ZNF81: variants seen among roughly 807,000 people sequenced by gnomAD.
The protein encoded by ZNF81 is zinc finger protein 81, also known as zinc finger protein 81 (HFZ20).
ZNF81 carries 5 observed loss-of-function variants against 32.3 expected under a neutral mutation model. The ratio of observed to expected loss-of-function variants is 0.15; its 90% CI spans 0.08 to 0.33. The LOEUF (loss-of-function observed/expected upper bound fraction) is 0.33, where lower values mean the gene tolerates loss of function less well. Among genes scored for constraint, ZNF81 ranks in the 10% least tolerant of loss-of-function variants. The pLI is 1.00. For missense variants in ZNF81, 379 were observed against 479.8 expected, an observed-to-expected ratio of 0.79 and a Z score of 1.96; for synonymous variants, 163 against 166.8, an observed-to-expected ratio of 0.98 and a Z score of 0.17.
chrX:47,840,935 C>T (rs2058446716), intron 1 of ZNF81: 5 of 493,631 alleles, frequency 1.0e-5, no homozygotes, highest in Non-Finnish European at 1.8e-5. Context: ...TTCATTGATA[C>T]AAATTTACTG....
At chrX:47,860,382 C>T (rs1556882421) in intron 2 of ZNF81, among the ~76,000 whole-genome samples, 4 of 108,041 alleles carry the variant, frequency 3.7e-5, no homozygotes, top group East Asian at 2.9e-4. Flanking sequence ...GGGGTTTCAC[C>T]GTGTTAGTCA....
chrX:47,887,036 A>G (rs1248504671), intron 2 of ZNF81, among the ~76,000 whole-genome samples: 2 of 111,846 alleles, frequency 1.8e-5, no homozygotes, highest in Admixed American at 1.9e-4. Context: ...CTTTTTTCCT[A>G]ATACTGATAT....
chrX:47,916,220 CTT>C lies in ZNF81; in HGVS notation c.1575_1576del (p.Ile527MetfsTer3). On this transcript the variant is annotated frameshift_variant, in exon 5 of 5. Transcript: ENST00000338637. LOFTEE classifies it high-confidence loss of function. ...CAGAAGTCTCATACTGGAGAAAAGTCTTATATATGTGCTGAATGTGGGAAGGC... is the reference window on the plus strand; with the variant it reads ...CAGAAGTCTCATACTGGAGAAAAGTCATATATGTGCTGAATGTGGGAAGGC... 1 of 1,211,038 alleles carries C rather than the reference CTT, an allele frequency of 8.3e-7. No homozygotes were observed. The highest frequency in any genetic ancestry group is 1.1e-6 in the Non-Finnish European group (1 of 895,259).
At chrX:47,890,275 C>T (rs1345706036) in intron 3 of ZNF81, among the ~76,000 whole-genome samples, 1 of 110,607 alleles carries the variant, frequency 9.0e-6, no homozygotes, top group East Asian at 2.8e-4. Context: ...CTTCTCTATG[C>T]CACATTTCCA....
intron 4 of ZNF81, among the ~76,000 whole-genome samples, chrX:47,902,142 C>A (rs2058700760): frequency 9.0e-6 from 1 of 111,199 alleles, no homozygotes; most frequent in South Asian, 3.7e-4. Flanking sequence ...AATATTTCGA[C>A]ATAAGTTTTT....
intron 3 of ZNF81, 61 bp downstream of exon 3, chrX:47,888,186 A>G: frequency 8.5e-7 from 1 of 1,172,325 alleles, no homozygotes; most frequent in Non-Finnish European, 1.1e-6. Flanking sequence ...TGTGCCCCCA[A>G]ATAAAATATG....
At chrX:47,886,919 A>G (rs1295235188) in intron 2 of ZNF81, among the ~76,000 whole-genome samples, 1 of 111,651 alleles carries the variant, frequency 9.0e-6, no homozygotes, top group African/African-American at 3.3e-5. Flanking sequence ...CAGAGTTTAT[A>G]GTTGTTATGT....
At chrX:47,904,987 C>G (rs2058715256) in intron 4 of ZNF81, among the ~76,000 whole-genome samples, 1 of 109,512 alleles carries the variant, frequency 9.1e-6, no homozygotes, top group Non-Finnish European at 1.9e-5. Context: ...ACCACATGTT[C>G]TCACTCATAG....
At chrX:47,875,257 G>T (rs1356953241) in intron 2 of ZNF81, among the ~76,000 whole-genome samples, 4 of 112,149 alleles carry the variant, frequency 3.6e-5, no homozygotes, top group African/African-American at 1.3e-4. Context: ...TTTCTTCTTA[G>T]AATGACATTC....
At chrX:47,844,080 A>T (rs925182842) in intron 1 of ZNF81, among the ~76,000 whole-genome samples, 2 of 112,085 alleles carry the variant, frequency 1.8e-5, no homozygotes, top group African/African-American at 6.5e-5. Context: ...AAATTTGTAT[A>T]GCTTCTGTAT....
rs1429929265 is a variant in ZNF81, at chrX:47,918,062, A to T, written c.*1430A>T. ...GAGAATGGACCAAACGAACTGGTGG[A>T]TCTGGCTAAGGAGATTTGCAGCAGA... On this transcript the variant is annotated 3_prime_UTR_variant, in exon 5 of 5. Transcript: ENST00000338637. The T allele has an allele frequency of 1.8e-5, 2 of 111,380 alleles. No homozygotes were observed. Among genetic ancestry groups the T allele is most frequent in the African/African-American group, 6.5e-5 (2 of 30,646 alleles). 9.2% of individuals were successfully genotyped at this position (111,380 alleles called of 1,213,427 possible).
intron 3 of ZNF81, among the ~76,000 whole-genome samples, chrX:47,892,695 C>T (rs1556886623): frequency 8.9e-6 from 1 of 112,788 alleles, no homozygotes; most frequent in African/African-American, 3.2e-5. Context: ...CTTTTTGTTT[C>T]TTCCACCTTT....
intron 2 of ZNF81, among the ~76,000 whole-genome samples, chrX:47,871,899 G>A (rs1234948221): frequency 4.5e-5 from 5 of 111,887 alleles, no homozygotes; most frequent in Admixed American, 2.8e-4. Flanking sequence ...GCCTAACCCC[G>A]CCTTGTGAGT....
rs1556890931 is a variant in ZNF81 at position 47,916,556 on chromosome X, C to T, written c.1910C>T (p.Pro637Leu). 5 of 1,201,633 alleles carry T rather than the reference C, an allele frequency of 4.2e-6. No individual in the cohort carries two copies. Among genetic ancestry groups the T allele is most frequent in the South Asian group, 1.8e-5 (1 of 54,987 alleles). The stretch of plus-strand genomic sequence containing the variant: ...CAGACAATTCATACTGGAGATAAAC[C>T]GTATAAATGCAGCGACTGTGGAAAG... ...KHQTIHTGDK[P>L]YKCSDCGKGF... Residue 637 changes from proline to leucine, a missense_variant, in exon 5 of 5, where the codon CCG (proline) becomes CTG (leucine). Pro to Leu is a moderately conservative substitution (Grantham distance 98). This residue lies in a region of ZNF81 where 102 missense variants were observed against 173.2 expected (regional missense o/e 0.59). Transcript: ENST00000338637.
chrX:47,895,853 G>A lies in ZNF81; in HGVS notation c.190G>A (p.Val64Ile). Reference sequence around the variant, plus strand: ...TCGTGTCCTGTTAACAGGGTTCGAAGTTCCTAAACCAGAGGTCATCTTCAA... The same window carrying A: ...TCGTGTCCTGTTAACAGGGTTCGAAATTCCTAAACCAGAGGTCATCTTCAA... ...YSHLLSVGFE[V>I]PKPEVIFKLE... The change falls in exon 4 of 5, where the codon GTT (valine) becomes ATT (isoleucine). Residue 64 changes from valine (V) to isoleucine (I), a missense_variant. By Grantham distance (29) the Val-to-Ile change is conservative (BLOSUM62 3). This residue lies in a region of ZNF81 where 277 missense variants were observed against 306.6 expected (regional missense o/e 0.90). Transcript: ENST00000338637. 8.3e-7 allele frequency: 1 copy of A among 1,208,261 alleles called. No homozygotes were observed. Among genetic ancestry groups the A allele is most frequent in the Non-Finnish European group, 1.1e-6 (1 of 892,474 alleles).
At chrX:47,882,505 A>T (rs1180968748) in intron 2 of ZNF81, among the ~76,000 whole-genome samples, 1 of 112,316 alleles carries the variant, frequency 8.9e-6, no homozygotes, top group African/African-American at 3.2e-5. Context: ...TGAAGACACC[A>T]CAATTTGTGT....
At position 47,915,126 on chromosome X, in the gene ZNF81, A is replaced by G. The variant is rs368117344; in HGVS notation, c.480A>G (p.Ile160Met). The part of the protein sequence containing the change: ...LSRTTFLNKK[I>M]LNTEWDYEYK... ...GCACTACTTTCCTCAATAAGAAAAT[A>G]TTGAATACAGAGTGGGATTATGAAT... The change falls in exon 5 of 5, where the codon ATA becomes ATG. Residue 160 changes from isoleucine to methionine, a missense_variant. Physicochemically the swap from Ile to Met is conservative, Grantham distance 10. Coordinates refer to ENST00000338637, the MANE Select transcript of ZNF81 (RefSeq NM_007137.5). 16 of 1,202,974 alleles carry G rather than the reference A, an allele frequency of 1.3e-5. No individual in the cohort carries two copies. Among genetic ancestry groups the G allele is most frequent in the East Asian group, 1.2e-4 (4 of 33,688 alleles).
rs1556892528 is a variant in ZNF81 at position 47,925,425 on chromosome X, G to T, written c.*8793G>T. Among the ~76,000 whole-genome samples the T allele has an allele frequency of 1.8e-5, 2 of 111,764 alleles. No individual in the cohort carries two copies. The highest frequency in any genetic ancestry group is 6.5e-5 in the African/African-American group (2 of 30,733). Reference sequence around the variant, plus strand: ...ATGGAATAATACTATAGGTACTCTTGTTTGGCTCCTTCCATCCAGCATAAT... The same window carrying T: ...ATGGAATAATACTATAGGTACTCTTTTTTGGCTCCTTCCATCCAGCATAAT... On this transcript the variant is annotated 3_prime_UTR_variant, in exon 5 of 5. Transcript: ENST00000338637.
In ZNF81 at chrX:47,919,445, A is replaced by T. The variant is rs997659397; in HGVS notation, c.*2813A>T. The T allele has an allele frequency of 1.5e-4, 30 of 203,942 alleles. No homozygotes were observed. The Admixed American group carries it at 1.9e-3, about 13-fold the overall frequency. 16.8% of individuals were successfully genotyped at this position (203,942 alleles called of 1,213,427 possible). A position where few individuals can be genotyped will look rare whatever the true frequency, so the allele number is the denominator to read the frequency against. On this transcript the variant is annotated 3_prime_UTR_variant, in exon 5 of 5. Transcript: ENST00000338637. ...CTTACAATTTTCATATATCTGCTGAAATTCCCCATCTTTTCATGCATGTTC... is the reference window on the plus strand; with the variant it reads ...CTTACAATTTTCATATATCTGCTGATATTCCCCATCTTTTCATGCATGTTC...
Sources: allele counts gnomAD v4.1 joint callset (sites outside exome capture counted in the v4.1 genomes callset), GRCh38; gene constraint gnomAD v4.1.1; regional missense constraint gnomAD v4.1.1; transcripts MANE v1.5; gene names NCBI Gene and HGNC (gene_info 2026-07-23, HGNC 2026-07-21).